The following PRKN variants were observed in gnomAD, a reference collection of about 807,000 sequenced individuals.
PRKN encodes E3 ubiquitin-protein ligase parkin.
In PRKN, 56 loss-of-function variants were observed where a neutral mutation model predicts 59.5. That is an observed-to-expected ratio of 0.94 (90% CI 0.76 to 1.18). The LOEUF (loss-of-function observed/expected upper bound fraction) is 1.18, where lower values mean the gene tolerates loss of function less well. PRKN is among the 50% of genes most tolerant of loss of function. PRKN has a pLI of 0.00. For synonymous variants in PRKN, 250 were observed against 222.1 expected (o/e 1.13, Z -1.12); for missense variants, 657 against 596.4 (o/e 1.10, Z -1.06).
At chr6:162,709,422 C>T (rs1025682640) in intron 1 of PRKN, among the ~76,000 whole-genome samples, 2 of 150,996 alleles carry the variant, frequency 1.3e-5, no homozygotes, top group African/African-American at 4.9e-5. Context: ...AGGTTGCTTT[C>T]GCAGGTGAGA....
intron 6 of PRKN, among the ~76,000 whole-genome samples, chr6:161,830,327 C>T (rs1792438481): frequency 6.6e-6 from 1 of 151,686 alleles, no homozygotes; most frequent in African/African-American, 2.4e-5. Flanking sequence ...TCTTGGCTCA[C>T]TGCAAGCTCC....
At chr6:162,153,995 G>A (rs1404868218) in intron 4 of PRKN, among the ~76,000 whole-genome samples, 1 of 152,150 alleles carries the variant, frequency 6.6e-6, no homozygotes, top group Non-Finnish European at 1.5e-5. Flanking sequence ...CTCTCACTTT[G>A]GGCCATGGGT....
chr6:161,997,119 G>A (rs79853021), intron 5 of PRKN, among the ~76,000 whole-genome samples: 3,092 of 152,180 alleles, frequency 0.02, 113 homozygotes, highest in African/African-American at 0.071. Context: ...CACATTCGAC[G>A]CAACGTGCTC....
At chr6:162,072,274 C>T (rs550259051) in intron 4 of PRKN, among the ~76,000 whole-genome samples, 10 of 151,972 alleles carry the variant, frequency 6.6e-5, no homozygotes, top group South Asian at 4.2e-4. Context: ...GGTGACAGAG[C>T]GAGACTCCGT....
intron 1 of PRKN, among the ~76,000 whole-genome samples, chr6:162,509,535 A>C (rs1357084237): frequency 6.6e-6 from 1 of 152,192 alleles, no homozygotes; most frequent in African/African-American, 2.4e-5. Context: ...AATCATGCAT[A>C]ATTCATAGAT....
chr6:161,756,623 C>T (rs1426185099), intron 7 of PRKN, among the ~76,000 whole-genome samples: 13 of 150,726 alleles, frequency 8.6e-5, no homozygotes, highest in Non-Finnish European at 1.5e-4. Flanking sequence ...TTCTTTCTTG[C>T]TGTCTTTATG....
At chr6:162,185,475 C>T (rs1200671091) in intron 4 of PRKN, among the ~76,000 whole-genome samples, 2 of 152,058 alleles carry the variant, frequency 1.3e-5, no homozygotes, top group East Asian at 1.9e-4. Context: ...TTCATGTTGT[C>T]GAAGGAAACA....
At chr6:161,780,746 G>A (rs1222088618) in intron 7 of PRKN, among the ~76,000 whole-genome samples, 3 of 152,110 alleles carry the variant, frequency 2.0e-5, no homozygotes, top group Admixed American at 2.0e-4. Flanking sequence ...CGAGACAGAA[G>A]CTAACGAGAG....
chr6:162,343,905 C>T (rs1354734289), intron 2 of PRKN, among the ~76,000 whole-genome samples: 1 of 152,052 alleles, frequency 6.6e-6, no homozygotes, highest in Non-Finnish European at 1.5e-5. Flanking sequence ...AGAGATTTCA[C>T]CCATGAGCAA....
chr6:162,580,467 T>C (rs917614068), intron 1 of PRKN, among the ~76,000 whole-genome samples: 1 of 122,268 alleles, frequency 8.2e-6, no homozygotes, highest in African/African-American at 3.3e-5. Flanking sequence ...GTAAAGAAAA[T>C]AACTTCAAGG....
rs549492581 is a variant in PRKN, at chr6:162,358,495, A to C, written c.171+84815T>G. ...GTTTAATGAAAGCATTTCTGACTGT[A>C]AACGTTTAAATGCTACAAATTTACA... is the stretch of plus-strand genomic sequence containing the variant. On this transcript the variant is annotated intron_variant, in intron 2 of 11. Coordinates refer to ENST00000366898, the MANE Select transcript of PRKN (RefSeq NM_004562.3). 1.1e-4 allele frequency among the ~76,000 whole-genome samples: 17 copies of C among 152,314 alleles called. No homozygotes were observed. The South Asian group carries it at 2.9e-3, about 26-fold the overall frequency.
intron 7 of PRKN, among the ~76,000 whole-genome samples, chr6:161,580,580 G>A (rs1407736317): frequency 5.3e-5 from 8 of 151,966 alleles, no homozygotes; most frequent in Non-Finnish European, 1.0e-4. Context: ...AGGTTCAAGC[G>A]ATTCTCCTGT....
chr6:162,554,136 A>C (rs9356039), intron 1 of PRKN, among the ~76,000 whole-genome samples: 45,268 of 152,170 alleles, frequency 0.3, 7,151 homozygotes, highest in East Asian at 0.49. Flanking sequence ...AATGTCACTG[A>C]AGATGAGCAG....
At chr6:162,075,350 T>A (rs770820444) in intron 4 of PRKN, among the ~76,000 whole-genome samples, 13 of 151,340 alleles carry the variant, frequency 8.6e-5, no homozygotes, top group Non-Finnish European at 1.5e-5. Context: ...ACCATCATCA[T>A]CATAGAAATA....
In PRKN at chr6:162,056,342, A is replaced by T. The variant is rs953863620; in HGVS notation, c.535-2168T>A. On this transcript the variant is annotated intron_variant, in intron 4 of 11. Transcript: ENST00000366898. This position sits in a 1 kb window ranked among gnomAD's most constrained non-coding sequence, Gnocchi z 4.9. ...GCACACACACACAATACCACACAGCACACAGGCATACACATACTACATACA... is the reference window on the plus strand; with the variant it reads ...GCACACACACACAATACCACACAGCTCACAGGCATACACATACTACATACA... 2.6e-5 allele frequency among the ~76,000 whole-genome samples: 4 copies of T among 151,788 alleles called. No homozygotes were observed. Among genetic ancestry groups the T allele is most frequent in the Non-Finnish European group, 4.4e-5 (3 of 67,902 alleles).
At chr6:162,555,186 G>A (rs1268218994) in intron 1 of PRKN, among the ~76,000 whole-genome samples, 1 of 151,902 alleles carries the variant, frequency 6.6e-6, no homozygotes, top group Non-Finnish European at 1.5e-5. Flanking sequence ...TATACAAAGA[G>A]GAATATATAG....
chr6:161,635,120 G>A (rs1473444570), intron 7 of PRKN, among the ~76,000 whole-genome samples: 5 of 152,192 alleles, frequency 3.3e-5, no homozygotes, highest in African/African-American at 1.2e-4. Flanking sequence ...ACCATGGCCA[G>A]TGATAGTTGA....
intron 3 of PRKN, among the ~76,000 whole-genome samples, chr6:162,241,127 C>T (rs1417341087): frequency 2.0e-5 from 3 of 152,152 alleles, no homozygotes; most frequent in Admixed American, 6.5e-5. Context: ...TCCTCTTCTA[C>T]TGCAATTCTG....
intron 7 of PRKN, among the ~76,000 whole-genome samples, chr6:161,617,643 T>C (rs775065619): frequency 2.0e-5 from 3 of 152,336 alleles, no homozygotes; most frequent in South Asian, 4.1e-4. Flanking sequence ...TTTAGTGAGA[T>C]GGGTTTGTGG....
Sources: allele counts gnomAD v4.1 joint callset (sites outside exome capture counted in the v4.1 genomes callset), GRCh38; gene constraint gnomAD v4.1.1; non-coding constraint Gnocchi (gnomAD v3.1); transcripts MANE v1.5; gene names NCBI Gene and HGNC (gene_info 2026-07-23, HGNC 2026-07-21).